The following TBC1D8 variants were observed in gnomAD, a reference collection of about 807,000 sequenced individuals.
TBC1D8 encodes BUB2-like protein 1.
In TBC1D8, 65 loss-of-function variants were observed where a neutral mutation model predicts 118.8. The observed-to-expected ratio is 0.55, with a 90% CI of 0.45 to 0.67. The LOEUF (loss-of-function observed/expected upper bound fraction) is 0.67, where lower values mean the gene tolerates loss of function less well. TBC1D8 is among the 30% of genes least tolerant of loss of function. The probability of loss-of-function intolerance (pLI) is 0.00; values close to 1 mark genes in which losing one functional copy is unlikely to be tolerated. For missense variants in TBC1D8, 1,376 were observed against 1,471.2 expected, an observed-to-expected ratio of 0.94 and a Z score of 1.06; for synonymous variants, 566 against 595.8, an observed-to-expected ratio of 0.95 and a Z score of 0.73.
chr2:101,120,934 C>G (rs1678070092), intron 1 of TBC1D8, among the ~76,000 whole-genome samples: 1 of 152,242 alleles, frequency 6.6e-6, no homozygotes, highest in African/African-American at 2.4e-5. Context: ...GATCCCTACA[C>G]TACAGCTGGA....
At chr2:101,114,595 T>C (rs1250024484) in intron 1 of TBC1D8, among the ~76,000 whole-genome samples, 1 of 152,246 alleles carries the variant, frequency 6.6e-6, no homozygotes, top group Non-Finnish European at 1.5e-5. Flanking sequence ...AACAGTTACA[T>C]GGTTCTGTTA....
At chr2:101,131,459 G>A (rs1016345856) in intron 1 of TBC1D8, among the ~76,000 whole-genome samples, 1 of 151,338 alleles carries the variant, frequency 6.6e-6, no homozygotes, top group Non-Finnish European at 1.5e-5. Flanking sequence ...AGGTTGCAGT[G>A]AGCCCAGTGC....
At chr2:101,041,958 G>C (rs946784930) in intron 5 of TBC1D8, among the ~76,000 whole-genome samples, 2 of 151,990 alleles carry the variant, frequency 1.3e-5, no homozygotes, top group Admixed American at 1.3e-4. Context: ...CCAGGAGATA[G>C]AGGTTGCAGT....
At chr2:101,132,922 T>G (rs1407113475) in intron 1 of TBC1D8, among the ~76,000 whole-genome samples, 1 of 152,056 alleles carries the variant, frequency 6.6e-6, no homozygotes. Context: ...AAAAATATTC[T>G]TATATCTGCA....
chr2:101,084,873 G>A (rs1050682325), intron 2 of TBC1D8, among the ~76,000 whole-genome samples: 8 of 136,800 alleles, frequency 5.8e-5, no homozygotes, highest in African/African-American at 1.4e-4. Context: ...TTTTGAGACA[G>A]AGTCTCGCTC....
At chr2:101,028,566 C>T in intron 12 of TBC1D8, 134 bp from the exon 13 acceptor site, 1 of 1,319,762 alleles carries the variant, frequency 7.6e-7, no homozygotes, top group Admixed American at 2.4e-5. Flanking sequence ...GCTGCAGCTG[C>T]TCGGCTTATT....
intron 1 of TBC1D8, among the ~76,000 whole-genome samples, chr2:101,149,246 T>C (rs1679447678): frequency 1.3e-5 from 2 of 152,208 alleles, no homozygotes; most frequent in African/African-American, 2.4e-5. Context: ...GGTATAATAA[T>C]AATATGGGAC....
At chr2:101,150,666 G>A (rs1679517608) in intron 1 of TBC1D8, among the ~76,000 whole-genome samples, 1 of 152,150 alleles carries the variant, frequency 6.6e-6, no homozygotes. Context: ...GCTGCGCCCC[G>A]CGCGCATCGC....
chr2:101,077,512 G>T (rs1674922619), intron 2 of TBC1D8, among the ~76,000 whole-genome samples: 1 of 152,146 alleles, frequency 6.6e-6, no homozygotes, highest in Non-Finnish European at 1.5e-5. Context: ...CTCCCAAAGT[G>T]CTGGGATTAC....
intron 17 of TBC1D8, among the ~76,000 whole-genome samples, chr2:101,015,558 TTATTCTA>T (rs2105367464): frequency 6.6e-6 from 1 of 152,368 alleles, no homozygotes; most frequent in South Asian, 2.1e-4. Flanking sequence ...CTTTATATTC[TTATTCTA>T]TAAACATTTT....
chr2:101,090,637 C>G (rs1675976612), intron 1 of TBC1D8, among the ~76,000 whole-genome samples: 1 of 152,240 alleles, frequency 6.6e-6, no homozygotes, highest in African/African-American at 2.4e-5. Flanking sequence ...GTCGCCCAGC[C>G]TAGCTAAGGC....
At chr2:101,131,801 C>G (rs370491432) in intron 1 of TBC1D8, among the ~76,000 whole-genome samples, 2 of 151,722 alleles carry the variant, frequency 1.3e-5, no homozygotes, top group African/African-American at 4.8e-5. Flanking sequence ...GGCGACAGAG[C>G]GAGACTCTGT....
intron 9 of TBC1D8, 29 bp from the exon 10 acceptor site, chr2:101,033,787 G>A: frequency 3.8e-6 from 6 of 1,599,876 alleles, no homozygotes; most frequent in Non-Finnish European, 3.4e-6. Flanking sequence ...GTTTCAAGGG[G>A]GAATGATTAC....
intron 1 of TBC1D8, among the ~76,000 whole-genome samples, chr2:101,130,034 C>G (rs907648196): frequency 1.3e-5 from 2 of 152,196 alleles, no homozygotes; most frequent in Non-Finnish European, 1.5e-5. Flanking sequence ...GGGGTACGAG[C>G]TGGTGGGCTC....
chr2:101,049,443 T>A (rs1026909692), intron 5 of TBC1D8, among the ~76,000 whole-genome samples: 1 of 152,122 alleles, frequency 6.6e-6, no homozygotes, highest in African/African-American at 2.4e-5. Context: ...AGACAAAATA[T>A]GTCAGCCAGG....
chr2:101,051,802 A>G (rs1169874791), intron 4 of TBC1D8, among the ~76,000 whole-genome samples: 1 of 152,242 alleles, frequency 6.6e-6, no homozygotes, highest in East Asian at 1.9e-4. Flanking sequence ...TAAAAAGTCA[A>G]AAAATAACAG....
At chr2:101,023,823 A>G (rs1454052868) in intron 15 of TBC1D8, 1 of 245,456 alleles carries the variant, frequency 4.1e-6, no homozygotes, top group East Asian at 1.5e-4. Context: ...GACCATTTCA[A>G]TGTCCTCTGT....
intron 1 of TBC1D8, among the ~76,000 whole-genome samples, chr2:101,106,458 A>G (rs1677222252): frequency 6.6e-6 from 1 of 152,232 alleles, no homozygotes; most frequent in Admixed American, 6.5e-5. Flanking sequence ...AAACAGCCTC[A>G]GTGCGAGGAG....
At chr2:101,100,104 A>C (rs1676729662) in intron 1 of TBC1D8, among the ~76,000 whole-genome samples, 1 of 152,200 alleles carries the variant, frequency 6.6e-6, no homozygotes, top group African/African-American at 2.4e-5. Context: ...TTTTATATTT[A>C]GAAAACCCCA....
Sources: gnomAD v4.1 joint callset for allele counts (sites outside exome capture counted in the v4.1 genomes callset) on GRCh38, gnomAD v4.1.1 for gene constraint, MANE v1.5 for transcripts, NCBI Gene and HGNC (gene_info 2026-07-23, HGNC 2026-07-21) for gene names.